GPC5: variants seen among roughly 807,000 people sequenced by gnomAD.
GPC5 encodes glypican-5.
GPC5 carries 47 observed loss-of-function variants against 53.9 expected under a neutral mutation model. The ratio of observed to expected loss-of-function variants is 0.87; its 90% CI spans 0.69 to 1.11. GPC5 has a LOEUF of 1.11. Ranked by LOEUF, GPC5 falls within the 50% of genes most tolerant of loss-of-function variation. The probability of loss-of-function intolerance (pLI) is 0.00; values close to 1 mark genes in which losing one functional copy is unlikely to be tolerated. For missense variants in GPC5, 748 were observed against 713.1 expected, an observed-to-expected ratio of 1.05 and a Z score of -0.56; for synonymous variants, 286 against 263.3, an observed-to-expected ratio of 1.09 and a Z score of -0.84.
intron 5 of GPC5, among the ~76,000 whole-genome samples, chr13:91,813,421 A>G (rs932051712): frequency 2.0e-5 from 3 of 152,206 alleles, no homozygotes; most frequent in South Asian, 2.1e-4. Context: ...GCAGCCATGC[A>G]TTGGGCTGCC....
At chr13:91,855,702 C>G (rs1038528585) in intron 5 of GPC5, among the ~76,000 whole-genome samples, 1 of 151,514 alleles carries the variant, frequency 6.6e-6, no homozygotes, top group African/African-American at 2.4e-5. Context: ...TTCAAAATGC[C>G]TTAATTCTGA....
intron 7 of GPC5, among the ~76,000 whole-genome samples, chr13:92,412,638 T>C (rs1362272332): frequency 1.3e-5 from 2 of 152,238 alleles, no homozygotes; most frequent in Non-Finnish European, 2.9e-5. Flanking sequence ...TGTTTATAAC[T>C]GATTTTGCAC....
intron 2 of GPC5, among the ~76,000 whole-genome samples, chr13:91,607,051 G>A (rs1031023522): frequency 3.2e-4 from 48 of 151,924 alleles, no homozygotes; most frequent in Non-Finnish European, 5.9e-4. Context: ...TGATGTTAGG[G>A]TGTCAATTTT....
intron 7 of GPC5, among the ~76,000 whole-genome samples, chr13:92,182,276 A>G (rs2042152349): frequency 6.6e-6 from 1 of 152,216 alleles, no homozygotes; most frequent in South Asian, 2.1e-4. Context: ...GTCACCCAGA[A>G]GCTAGCTGCC....
chr13:92,591,540 G>C (rs577801390), intron 7 of GPC5, among the ~76,000 whole-genome samples: 2 of 152,096 alleles, frequency 1.3e-5, no homozygotes, highest in South Asian at 2.1e-4. Flanking sequence ...TTGTGAAATG[G>C]TAAAATCTAG....
At position 91,663,755 on chromosome 13, in the gene GPC5, C is replaced by G. The variant is rs879480182; in HGVS notation, c.326-29432C>G. Among the ~76,000 whole-genome samples, 14 of 152,282 alleles carry G rather than the reference C, an allele frequency of 9.2e-5. No individual in the cohort carries two copies. The Middle Eastern group carries it at 0.014, about 148-fold the overall frequency. ...TTGGGATTACAGGCATTAGTCATAG[C>G]TTCCAGCCCTATTTTGTTTCAAATA... On this transcript the variant is annotated intron_variant, in intron 2 of 7. Transcript: ENST00000377067.
intron 7 of GPC5, among the ~76,000 whole-genome samples, chr13:92,567,751 T>A (rs371802025): frequency 4.6e-5 from 7 of 152,214 alleles, no homozygotes; most frequent in Admixed American, 6.5e-5. Context: ...AACACAGCAC[T>A]GTTGGTGTTT....
At chr13:91,880,421 T>C (rs1176081104) in intron 5 of GPC5, among the ~76,000 whole-genome samples, 2 of 152,164 alleles carry the variant, frequency 1.3e-5, no homozygotes, top group African/African-American at 4.8e-5. Flanking sequence ...TTGTTTATAA[T>C]TTATTGCCTT....
At chr13:92,066,062 T>C (rs1050443493) in intron 6 of GPC5, among the ~76,000 whole-genome samples, 1 of 152,136 alleles carries the variant, frequency 6.6e-6, no homozygotes, top group Non-Finnish European at 1.5e-5. Context: ...AACAGCATGA[T>C]TAAATTGGGA....
At chr13:92,486,410 T>C (rs1879556254) in intron 7 of GPC5, among the ~76,000 whole-genome samples, 1 of 152,192 alleles carries the variant, frequency 6.6e-6, no homozygotes, top group Non-Finnish European at 1.5e-5. Context: ...TTAAATTTTG[T>C]AAAATAGAAA....
At chr13:91,754,418 A>C (rs1435794906) in intron 4 of GPC5, among the ~76,000 whole-genome samples, 2 of 152,156 alleles carry the variant, frequency 1.3e-5, no homozygotes, top group South Asian at 4.1e-4. Context: ...GAAAGACATA[A>C]AGCTTTCTCT....
At chr13:92,215,161 T>A (rs760066543) in intron 7 of GPC5, among the ~76,000 whole-genome samples, 1 of 152,170 alleles carries the variant, frequency 6.6e-6, no homozygotes, top group Admixed American at 6.5e-5. Context: ...ATTATATCCA[T>A]GTGAAAAACA....
At chr13:92,339,452 G>A (rs988544446) in intron 7 of GPC5, among the ~76,000 whole-genome samples, 8 of 151,970 alleles carry the variant, frequency 5.3e-5, no homozygotes, top group East Asian at 1.9e-4. Context: ...TCATCTTATC[G>A]CATCAAAATT....
intron 7 of GPC5, among the ~76,000 whole-genome samples, chr13:92,495,927 C>G (rs1051857529): frequency 6.6e-6 from 1 of 151,944 alleles, no homozygotes; most frequent in African/African-American, 2.4e-5. Flanking sequence ...TTTAAAGTTA[C>G]GCTAACTCCA....
At chr13:92,647,802 GTAGAATATATGA>G (rs1004473201) in intron 7 of GPC5, among the ~76,000 whole-genome samples, 1 of 152,014 alleles carries the variant, frequency 6.6e-6, no homozygotes, top group Non-Finnish European at 1.5e-5. Flanking sequence ...TGAAATTTAA[GTAGAATATATGA>G]TAGAATATAT....
chr13:92,428,204 G>A (rs1163008092), intron 7 of GPC5, among the ~76,000 whole-genome samples: 2 of 152,040 alleles, frequency 1.3e-5, no homozygotes, highest in African/African-American at 4.8e-5. Flanking sequence ...TATCAGAATG[G>A]ATGTGGCTCT....
chr13:92,505,901 TA>T (rs1311055405), intron 7 of GPC5, among the ~76,000 whole-genome samples: 1 of 152,104 alleles, frequency 6.6e-6, no homozygotes, highest in Non-Finnish European at 1.5e-5. Context: ...TGTTAATCTC[TA>T]AAAAGATAAA....
intron 6 of GPC5, among the ~76,000 whole-genome samples, chr13:91,911,618 A>G (rs2039611475): frequency 6.6e-6 from 1 of 152,216 alleles, no homozygotes; most frequent in South Asian, 2.1e-4. Flanking sequence ...GATAAAATTT[A>G]TGTTTTATGA....
intron 7 of GPC5, among the ~76,000 whole-genome samples, chr13:92,685,652 G>A (rs1329116015): frequency 1.1e-4 from 13 of 117,214 alleles, no homozygotes; most frequent in South Asian, 6.3e-4. Context: ...ATGCTGGTGC[G>A]CTGCACCCAC....
Sources: allele counts gnomAD v4.1 joint callset (sites outside exome capture counted in the v4.1 genomes callset), GRCh38; gene constraint gnomAD v4.1.1; transcripts MANE v1.5; gene names NCBI Gene and HGNC (gene_info 2026-07-23, HGNC 2026-07-21).